TRIT1: variants seen among roughly 807,000 people sequenced by gnomAD.
TRIT1 encodes the protein tRNA isopentenyltransferase 1, also known as tRNA dimethylallyltransferase.
Under a neutral mutation model 51.2 loss-of-function variants are expected in TRIT1, and 43 were observed. The ratio of observed to expected loss-of-function variants is 0.84; its 90% CI spans 0.66 to 1.08. The LOEUF (loss-of-function observed/expected upper bound fraction) is 1.08, where lower values mean the gene tolerates loss of function less well. TRIT1 is among the 50% of genes least tolerant of loss of function. The pLI, the probability that TRIT1 is intolerant of heterozygous loss-of-function variation, is 0.00. For missense variants in TRIT1, 528 were observed against 578.4 expected (o/e 0.91, Z 0.89); for synonymous variants, 184 against 203.9 (o/e 0.90, Z 0.83).
chr1:39,868,216 T>C (rs1643657774), intron 1 of TRIT1, among the ~76,000 whole-genome samples: 1 of 152,020 alleles, frequency 6.6e-6, no homozygotes, highest in South Asian at 2.1e-4. Context: ...ATAAATTAAA[T>C]TAGGCATTAT....
chr1:39,877,125 C>T (rs1396093706), intron 1 of TRIT1, among the ~76,000 whole-genome samples: 2 of 151,234 alleles, frequency 1.3e-5, no homozygotes, highest in East Asian at 3.9e-4. Flanking sequence ...ATCCCTCCCC[C>T]AAGCATCCCA....
intron 1 of TRIT1, among the ~76,000 whole-genome samples, chr1:39,868,308 G>A (rs61779847): frequency 0.027 from 4,179 of 152,198 alleles, 165 homozygotes; most frequent in East Asian, 0.18. Flanking sequence ...AAATATTTGC[G>A]AATAACATAT....
intron 1 of TRIT1, among the ~76,000 whole-genome samples, chr1:39,873,081 C>G (rs1643932031): frequency 6.6e-6 from 1 of 152,080 alleles, no homozygotes; most frequent in East Asian, 1.9e-4. Flanking sequence ...AAGCTTAATT[C>G]TCCTTCTATT....
At chr1:39,859,001 C>T (rs773065591) in intron 1 of TRIT1, among the ~76,000 whole-genome samples, 2 of 151,890 alleles carry the variant, frequency 1.3e-5, no homozygotes, top group Non-Finnish European at 2.9e-5. Flanking sequence ...GCCGGTAATC[C>T]CAGCACTTTG....
Position 39,841,732 on chromosome 1 carries a change from T to C in TRIT1, c.*12A>G. On this transcript the variant is annotated 3_prime_UTR_variant, in exon 11 of 11. Transcript: ENST00000316891. The stretch of plus-strand genomic sequence containing the variant: ...TCCCCACCACCTTTCCAAAGGCCAC[T>C]GGACATGTCTCTTAAACGCTGCATT... 3.7e-6 allele frequency: 6 copies of C among 1,603,248 alleles called. No individual in the cohort carries two copies. The highest frequency in any genetic ancestry group is 5.1e-6 in the Non-Finnish European group (6 of 1,175,532).
chr1:39,872,068 ATT>A (rs59839907), intron 1 of TRIT1, among the ~76,000 whole-genome samples: 4 of 114,208 alleles, frequency 3.5e-5, no homozygotes, highest in Non-Finnish European at 1.7e-5. Context: ...GGCCTGACTA[ATT>A]TTTTTTTTTT....
chr1:39,864,481 C>A (rs535802402), intron 1 of TRIT1, among the ~76,000 whole-genome samples: 2 of 151,108 alleles, frequency 1.3e-5, no homozygotes, highest in Non-Finnish European at 2.9e-5. Context: ...TGGTGGCAGG[C>A]GCCTGTAGTC....
chr1:39,847,400 C>T (rs896973725), intron 7 of TRIT1, 103 bp from the exon 8 acceptor site: 3 of 1,432,066 alleles, frequency 2.1e-6, no homozygotes, highest in Admixed American at 1.8e-5. Context: ...CACGGCAGTG[C>T]AATGTCAGAC....
At chr1:39,852,657 A>G (rs926384941) in intron 4 of TRIT1, 74 bp downstream of exon 4, 12 of 1,545,578 alleles carry the variant, frequency 7.8e-6, no homozygotes, top group Non-Finnish European at 1.1e-5. Context: ...CTCTCTCATC[A>G]TCTGGGCAAA....
At chr1:39,874,856 T>C (rs1013700504) in intron 1 of TRIT1, among the ~76,000 whole-genome samples, 4 of 151,786 alleles carry the variant, frequency 2.6e-5, no homozygotes, top group African/African-American at 9.7e-5. Context: ...TTAGTGGAGA[T>C]AGGGTTTCTC....
At position 39,860,641 on chromosome 1, in the gene TRIT1, T is replaced by C. The variant is rs965602789; in HGVS notation, c.175-3224A>G. ...ATGACTGTGACCTGCATTGCAACAA[T>C]AGGGAAAGGAGAGACAAACTCTAAG... On this transcript the variant is annotated intron_variant, in intron 1 of 10. Transcript: ENST00000316891. Among the ~76,000 whole-genome samples the C allele has an allele frequency of 3.3e-5, 5 of 152,080 alleles. No individual in the cohort carries two copies. The South Asian group carries it at 1.0e-3, about 32-fold the overall frequency.
At chr1:39,881,227 C>CAAAAAAAAA (rs56205358) in intron 1 of TRIT1, among the ~76,000 whole-genome samples, 1 of 80,162 alleles carries the variant, frequency 1.2e-5, no homozygotes, top group Non-Finnish European at 2.7e-5. Context: ...ACTCTGTCTC[C>CAAAAAAAAA]AAAAAAAAAA....
chr1:39,870,139 G>A (rs1277863977), intron 1 of TRIT1, among the ~76,000 whole-genome samples: 1 of 151,970 alleles, frequency 6.6e-6, no homozygotes, highest in Non-Finnish European at 1.5e-5. Context: ...AAGTAGACAT[G>A]GGAGACTCCA....
At chr1:39,880,268 T>TAAAAAAAAAAAAAA (rs1553148795) in intron 1 of TRIT1, among the ~76,000 whole-genome samples, 1 of 94,890 alleles carries the variant, frequency 1.1e-5, no homozygotes, top group Non-Finnish European at 2.1e-5. Flanking sequence ...AGACCTCAAA[T>TAAAAAAAAAAAAAA]AAAAAAAAAA....
intron 5 of TRIT1, 137 bp from the exon 6 acceptor site, chr1:39,848,234 TATA>T (rs1225681814): frequency 1.5e-6 from 1 of 648,580 alleles, no homozygotes; most frequent in Non-Finnish European, 2.7e-6. Flanking sequence ...CAAAGATTAT[TATA>T]ATAATTCATA....
At chr1:39,878,740 G>A (rs1644148831) in intron 1 of TRIT1, among the ~76,000 whole-genome samples, 1 of 152,136 alleles carries the variant, frequency 6.6e-6, no homozygotes, top group African/African-American at 2.4e-5. Flanking sequence ...TTTACCCTTT[G>A]TTCCAATAAA....
chr1:39,841,949 A>C, intron 10 of TRIT1, 36 bp from the exon 11 acceptor site: 1 of 1,574,926 alleles, frequency 6.3e-7, no homozygotes, highest in Non-Finnish European at 8.6e-7. Context: ...AAACAAAAAA[A>C]CTCATTAGGA....
At chr1:39,862,816 A>G in intron 1 of TRIT1, 1 of 985,398 alleles carries the variant, frequency 1.0e-6, no homozygotes, top group Non-Finnish European at 1.2e-6. Flanking sequence ...TTACAGTTTC[A>G]GCATCACTCT....
intron 2 of TRIT1, among the ~76,000 whole-genome samples, chr1:39,855,134 T>C (rs192315298): frequency 2.6e-5 from 4 of 152,348 alleles, no homozygotes; most frequent in African/African-American, 4.8e-5. Flanking sequence ...TTACAGGCGA[T>C]AGCCATCGTG....
Sources: gnomAD v4.1 joint callset for allele counts (sites outside exome capture counted in the v4.1 genomes callset) on GRCh38, gnomAD v4.1.1 for gene constraint, MANE v1.5 for transcripts, NCBI Gene and HGNC (gene_info 2026-07-23, HGNC 2026-07-21) for gene names.